PIN4: variants seen among roughly 807,000 people sequenced by gnomAD.
The protein encoded by PIN4 is peptidylprolyl cis/trans isomerase, NIMA-interacting 4.
PIN4 carries 3 observed loss-of-function variants against 8.3 expected under a neutral mutation model. That is an observed-to-expected ratio of 0.36 (90% CI 0.16 to 0.93). The LOEUF is 0.93. PIN4 is among the 40% of genes least tolerant of loss of function. PIN4 has a pLI of 0.44. For missense variants in PIN4, 75 were observed against 100.6 expected (o/e 0.75, Z 1.09); for synonymous variants, 18 against 32.5 (o/e 0.55, Z 1.52).
At chrX:72,241,888 G>C (rs2043050674) in intron 3 of PIN4, among the ~76,000 whole-genome samples, 1 of 111,856 alleles carries the variant, frequency 8.9e-6, no homozygotes, top group South Asian at 3.8e-4. Context: ...AGGATGAGTT[G>C]AGAGTCCAGG....
At chrX:72,248,267 C>G (rs2043074207) in intron 3 of PIN4, among the ~76,000 whole-genome samples, 1 of 78,210 alleles carries the variant, frequency 1.3e-5, no homozygotes, top group Non-Finnish European at 2.3e-5. Flanking sequence ...CCTTTTGCGC[C>G]TAGGACATAG....
intron 3 of PIN4, chrX:72,238,788 C>G (rs1380301480): frequency 1.0e-5 from 11 of 1,104,250 alleles, no homozygotes; most frequent in Non-Finnish European, 1.3e-5. Flanking sequence ...GGGGCCACCC[C>G]ACCTCCACCC....
intron 3 of PIN4, among the ~76,000 whole-genome samples, chrX:72,213,039 G>C (rs1280511830): frequency 8.9e-6 from 1 of 112,341 alleles, no homozygotes; most frequent in Non-Finnish European, 1.9e-5. Flanking sequence ...AATCAGAAAT[G>C]CTCTTTGTTT....
intron 3 of PIN4, among the ~76,000 whole-genome samples, chrX:72,220,056 T>C (rs1248379569): frequency 9.0e-6 from 1 of 110,713 alleles, no homozygotes; most frequent in East Asian, 2.8e-4. Flanking sequence ...GTTTGTTGAG[T>C]GTTTTTGTAT....
intron 3 of PIN4, chrX:72,204,975 T>C (rs1376433779): frequency 6.5e-6 from 7 of 1,082,033 alleles, no homozygotes; most frequent in South Asian, 2.3e-5. Flanking sequence ...TTCCCTCATA[T>C]TCAGTTTCAC....
chrX:72,206,519 G>A, intron 3 of PIN4: 1 of 1,211,509 alleles, frequency 8.3e-7, no homozygotes, highest in African/African-American at 1.7e-5. Flanking sequence ...TGAGGCTGTG[G>A]TTTATTCAAT....
At position 72,248,138 on chromosome X, in the gene PIN4, G is replaced by A. The variant is rs138835611; in HGVS notation, c.313-14569G>A. Among the ~76,000 whole-genome samples the A allele has an allele frequency of 4.6e-3, 506 of 109,449 alleles. 2 individuals are homozygous for A. The highest frequency in any genetic ancestry group is 0.015 in the African/African-American group (467 of 30,380). ...AGGTCATGCAGCAAGTACACAGCAGGTTCAATGAGTGTCCTCTGGTGATTG... is the reference window on the plus strand; with the variant it reads ...AGGTCATGCAGCAAGTACACAGCAGATTCAATGAGTGTCCTCTGGTGATTG... On this transcript the variant is annotated intron_variant, in intron 3 of 3. Transcript: ENST00000423432.
intron 2 of PIN4, among the ~76,000 whole-genome samples, chrX:72,191,305 C>G (rs1012713836): frequency 3.6e-5 from 4 of 111,330 alleles, no homozygotes; most frequent in Non-Finnish European, 7.5e-5. Context: ...AATCCTAGCA[C>G]TTTGGGAGCC....
At chrX:72,204,919 C>G (rs1031846048) in intron 3 of PIN4, 2 of 818,091 alleles carry the variant, frequency 2.4e-6, no homozygotes, top group Non-Finnish European at 3.4e-6. Context: ...TTGCCTTAAG[C>G]CTGAATGCTT....
chrX:72,223,340 T>TA (rs769062677), intron 3 of PIN4, among the ~76,000 whole-genome samples: 10,985 of 82,671 alleles, frequency 0.13, 1,350 homozygotes, highest in East Asian at 0.44. Context: ...AACTCTGTCT[T>TA]AAAAAAAAAA....
chrX:72,219,317 G>A (rs1429295349), intron 3 of PIN4, among the ~76,000 whole-genome samples: 1 of 109,998 alleles, frequency 9.1e-6, no homozygotes, highest in Non-Finnish European at 1.9e-5. Flanking sequence ...ACTTTGTGAG[G>A]CCAAGGCGGG....
rs760138946 is a variant in PIN4, at chrX:72,235,638, C to T, written c.313-27069C>T. On this transcript the variant is annotated intron_variant, in intron 3 of 3. Transcript: ENST00000423432. ...GAACTCCTGACCTCAGGTGATCCAC[C>T]CACCTTGGCCTCCCCAAGTGCTGGG... is the stretch of plus-strand genomic sequence containing the variant. 7.2e-5 allele frequency among the ~76,000 whole-genome samples: 8 copies of T among 111,601 alleles called. No individual in the cohort carries two copies. The East Asian group carries it at 2.2e-3, about 31-fold the overall frequency.
chrX:72,197,583 A>G lies in PIN4; in HGVS notation c.*57A>G. On this transcript the variant is annotated 3_prime_UTR_variant, in exon 4 of 4. Coordinates refer to ENST00000373669, the MANE Select transcript of PIN4 (RefSeq NM_006223.4). ...ATTTTGTTTCTTTAAAAGGTATTAC[A>G]TATTCTTTTGAGCTGGAGCTGCAAG... 8.7e-7 allele frequency: 1 copy of G among 1,145,114 alleles called. No homozygotes were observed. Among genetic ancestry groups the G allele is most frequent in the Non-Finnish European group, 1.2e-6 (1 of 855,380 alleles). The allele number at this position is 1,145,114 out of a possible 1,213,427, so 94.4% of individuals were successfully genotyped here.
chrX:72,207,746 G>C (rs2042829019), intron 3 of PIN4: 1 of 1,211,122 alleles, frequency 8.3e-7, no homozygotes, highest in Admixed American at 2.2e-5. Flanking sequence ...CTGGCCTCTG[G>C]GTTGCTTGAC....
At chrX:72,262,826 A>C in exon 4 of PIN4, 40 of 805,768 alleles carry the variant, frequency 5.0e-5, no homozygotes, top group Non-Finnish European at 6.6e-5. Flanking sequence ...GGCTGATCTC[A>C]TCTATTCAAT....
chrX:72,181,984 C>A, intron 1 of PIN4, 156 bp downstream of exon 1: 1 of 486,380 alleles, frequency 2.1e-6, no homozygotes, highest in East Asian at 3.7e-5. Flanking sequence ...CATTGGGCTA[C>A]GGTTCAGGGA....
At chrX:72,205,158 AAG>A (rs1282145760) in intron 3 of PIN4, 5 of 1,211,773 alleles carry the variant, frequency 4.1e-6, no homozygotes, top group Non-Finnish European at 4.5e-6. Context: ...CACGCTTTAC[AAG>A]AGTCTCATAG....
chrX:72,212,850 G>A (rs978951145), intron 3 of PIN4, among the ~76,000 whole-genome samples: 3 of 111,569 alleles, frequency 2.7e-5, no homozygotes, highest in Admixed American at 9.5e-5. Flanking sequence ...GCTAAGGTGG[G>A]AGGGATGGCT....
At chrX:72,256,059 G>C (rs181804557) in intron 3 of PIN4, 18 of 112,179 alleles carry the variant, frequency 1.6e-4, no homozygotes, top group African/African-American at 5.5e-4. Flanking sequence ...AGACTCCTGG[G>C]AGAGTCAAAC....
Sources: allele counts gnomAD v4.1 joint callset (sites outside exome capture counted in the v4.1 genomes callset), GRCh38; gene constraint gnomAD v4.1.1; transcripts MANE v1.5; gene names NCBI Gene and HGNC (gene_info 2026-07-23, HGNC 2026-07-21).